Variants in NSMCE2 observed in about 807,000 individuals in gnomAD.
NSMCE2 encodes the protein E3 SUMO-protein ligase NSE2.
NSMCE2 carries 24 observed loss-of-function variants against 23.8 expected under a neutral mutation model. The observed-to-expected ratio is 1.01, with a 90% CI of 0.73 to 1.42. NSMCE2 has a LOEUF of 1.42. NSMCE2 is among the 40% of genes most tolerant of loss of function. The pLI is 0.00. For synonymous variants in NSMCE2, 92 were observed against 94.1 expected (o/e 0.98, Z 0.13); for missense variants, 284 against 296.5 (o/e 0.96, Z 0.31).
chr8:125,189,834 A>G (rs970365007), intron 5 of NSMCE2, among the ~76,000 whole-genome samples: 1 of 152,246 alleles, frequency 6.6e-6, no homozygotes, highest in Admixed American at 6.5e-5. Flanking sequence ...TGGCACAAAC[A>G]TATAGTATAT....
Position 125,316,564 on chromosome 8 carries a change from T to C in NSMCE2, c.419-40655T>C, listed in dbSNP as rs773570438. Among the ~76,000 whole-genome samples the C allele has an allele frequency of 1.1e-4, 16 of 152,176 alleles. No individual in the cohort carries two copies. The East Asian group carries it at 3.1e-3, about 29-fold the overall frequency. ...CCGTTGTCTGTCTGTCTTTCTTTCT[T>C]TCCTTCTTTCTTTCTTTCTTTTCTT... is the stretch of plus-strand genomic sequence containing the variant. On this transcript the variant is annotated intron_variant, in intron 5 of 7. Coordinates refer to ENST00000287437, the MANE Select transcript of NSMCE2 (RefSeq NM_173685.4).
chr8:125,285,518 A>G (rs1464347259), intron 5 of NSMCE2, among the ~76,000 whole-genome samples: 1 of 152,048 alleles, frequency 6.6e-6, no homozygotes, highest in Non-Finnish European at 1.5e-5. Context: ...GGGTAGCCAT[A>G]GTTTCTGCTC....
At chr8:125,109,602 T>C (rs1198456580) in intron 3 of NSMCE2, among the ~76,000 whole-genome samples, 1 of 152,224 alleles carries the variant, frequency 6.6e-6, no homozygotes, top group East Asian at 1.9e-4. Flanking sequence ...CACTTTGCCC[T>C]GACATTTTCC....
chr8:125,123,546 C>G (rs763090968), intron 3 of NSMCE2, among the ~76,000 whole-genome samples: 1 of 152,262 alleles, frequency 6.6e-6, no homozygotes, highest in Non-Finnish European at 1.5e-5. Context: ...TGAGATGCTA[C>G]TCACATCCAG....
At chr8:125,289,790 C>A (rs1828037977) in intron 5 of NSMCE2, among the ~76,000 whole-genome samples, 1 of 152,216 alleles carries the variant, frequency 6.6e-6, no homozygotes, top group Non-Finnish European at 1.5e-5. Flanking sequence ...AGTTTAGGTG[C>A]ATTCAAATTC....
intron 3 of NSMCE2, 69 bp from the exon 4 acceptor site, chr8:125,151,102 T>G (rs1286914060): frequency 4.0e-6 from 3 of 752,606 alleles, no homozygotes; most frequent in East Asian, 5.1e-5. Context: ...GTAGATTGTA[T>G]TGATGCAACT....
At chr8:125,299,429 T>G (rs182770138) in intron 5 of NSMCE2, among the ~76,000 whole-genome samples, 17 of 152,268 alleles carry the variant, frequency 1.1e-4, no homozygotes, top group Admixed American at 9.8e-4. Context: ...AGGAATGTCT[T>G]ACATGGCAAC....
rs142168389 is a variant in NSMCE2, at chr8:125,145,306, G to A, written c.158-5865G>A. On this transcript the variant is annotated intron_variant, in intron 3 of 7. Coordinates refer to ENST00000287437, the MANE Select transcript of NSMCE2 (RefSeq NM_173685.4). ...TTATAGGATGACAGCCCTGGCACTG[G>A]CATACTTACAGAAACAGCTAGAATT... Among the ~76,000 whole-genome samples the A allele has an allele frequency of 6.6e-3, 1,001 of 152,250 alleles. 8 individuals are homozygous for A. The highest frequency in any genetic ancestry group is 0.023 in the African/African-American group (967 of 41,540).
intron 5 of NSMCE2, among the ~76,000 whole-genome samples, chr8:125,269,782 GTCA>G: frequency 6.6e-6 from 1 of 152,332 alleles, no homozygotes; most frequent in East Asian, 1.9e-4. Flanking sequence ...TCCTGAATCA[GTCA>G]TCATCAATAG....
At chr8:125,259,929 G>A (rs763458369) in intron 5 of NSMCE2, among the ~76,000 whole-genome samples, 2 of 152,188 alleles carry the variant, frequency 1.3e-5, no homozygotes, top group African/African-American at 2.4e-5. Context: ...TTTGGAGCTG[G>A]AAACTGCATT....
intron 5 of NSMCE2, among the ~76,000 whole-genome samples, chr8:125,249,422 T>A (rs1826118553): frequency 6.6e-6 from 1 of 152,202 alleles, no homozygotes; most frequent in African/African-American, 2.4e-5. Context: ...ACATGCAGTC[T>A]TTGTCAGAAA....
In NSMCE2 at chr8:125,112,736, G is replaced by T. The variant is rs550782624; in HGVS notation, c.157+10249G>T. On this transcript the variant is annotated intron_variant, in intron 3 of 7. Coordinates refer to ENST00000287437, the MANE Select transcript of NSMCE2 (RefSeq NM_173685.4). ...GTAGAATGATGGTTACCAAGGGATT[G>T]GGGAAGGGAAGGGTGGGAGGACTGG... 5.3e-5 allele frequency among the ~76,000 whole-genome samples: 8 copies of T among 152,270 alleles called. No individual in the cohort carries two copies. In the East Asian group the frequency reaches 1.5e-3, roughly 29 times the overall value.
At chr8:125,358,931 G>A (rs765445921) in intron 7 of NSMCE2, among the ~76,000 whole-genome samples, 4 of 152,138 alleles carry the variant, frequency 2.6e-5, no homozygotes, top group Non-Finnish European at 5.9e-5. Context: ...GACATTCTTA[G>A]TACATTTTGA....
chr8:125,224,750 G>T (rs1046848012), intron 5 of NSMCE2, among the ~76,000 whole-genome samples: 1 of 152,174 alleles, frequency 6.6e-6, no homozygotes, highest in Non-Finnish European at 1.5e-5. Context: ...AAGGTAGGTA[G>T]ATAGTGTTAT....
chr8:125,186,851 A>C lies in NSMCE2; in HGVS notation c.418+4595A>C, dbSNP rs7840065. Among the ~76,000 whole-genome samples, 487 of 152,324 alleles carry C rather than the reference A, an allele frequency of 3.2e-3. 1 individual carries two copies. Among genetic ancestry groups the C allele is most frequent in the African/African-American group, 0.011 (459 of 41,566 alleles). ...CAAACCTAACAGATATACTACACTC[A>C]TTTAGAGATACTGTTACTCTAAAGA... On this transcript the variant is annotated intron_variant, in intron 5 of 7. Coordinates refer to ENST00000287437, the MANE Select transcript of NSMCE2 (RefSeq NM_173685.4).
intron 5 of NSMCE2, among the ~76,000 whole-genome samples, chr8:125,258,478 C>T (rs1000347592): frequency 6.6e-6 from 1 of 152,032 alleles, no homozygotes; most frequent in Non-Finnish European, 1.5e-5. Context: ...CCCCACTTTC[C>T]TGGCTCCCCT....
At chr8:125,174,186 T>A (rs181066342) in intron 4 of NSMCE2, among the ~76,000 whole-genome samples, 1 of 152,272 alleles carries the variant, frequency 6.6e-6, no homozygotes, top group East Asian at 1.9e-4. Flanking sequence ...TCTGCTTGAT[T>A]ATTTGAATAT....
chr8:125,295,245 C>T (rs1247892884), intron 5 of NSMCE2, among the ~76,000 whole-genome samples: 11 of 152,004 alleles, frequency 7.2e-5, no homozygotes, highest in Admixed American at 5.9e-4. Context: ...CTTCTGGGGC[C>T]CCTAATCTGG....
intron 5 of NSMCE2, among the ~76,000 whole-genome samples, chr8:125,331,155 C>A (rs1406458512): frequency 6.6e-6 from 1 of 152,006 alleles, no homozygotes; most frequent in African/African-American, 2.4e-5. Flanking sequence ...CAAAAATTAG[C>A]CGGACTTGGT....
Sources: allele counts gnomAD v4.1 joint callset (sites outside exome capture counted in the v4.1 genomes callset), GRCh38; gene constraint gnomAD v4.1.1; transcripts MANE v1.5; gene names NCBI Gene and HGNC (gene_info 2026-07-23, HGNC 2026-07-21).